Variants in ZNF579 observed in about 807,000 individuals in gnomAD.
ZNF579 encodes the protein zinc finger protein 579.
ZNF579 carries 3 observed loss-of-function variants against 5.7 expected under a neutral mutation model. The ratio of observed to expected loss-of-function variants is 0.53; its 90% CI spans 0.24 to 1.36. ZNF579 has a LOEUF of 1.36. Among genes scored for constraint, ZNF579 ranks in the 40% most tolerant of loss-of-function variants. ZNF579 has a pLI of 0.16. For missense variants in ZNF579, 679 were observed against 877.6 expected, an observed-to-expected ratio of 0.77 and a Z score of 2.86; for synonymous variants, 454 against 409.0, an observed-to-expected ratio of 1.11 and a Z score of -1.33.
chr19:55,579,533 C>A lies in ZNF579; in HGVS notation c.107G>T (p.Gly36Val). 1.4e-6 allele frequency: 2 copies of A among 1,444,216 alleles called. No homozygotes were observed. The highest frequency in any genetic ancestry group is 1.8e-6 in the Non-Finnish European group (2 of 1,104,980). 89.5% of individuals were successfully genotyped at this position (1,444,216 alleles called of 1,614,324 possible). The part of the protein sequence containing the change: ...RGRGRGRGRG[G>V]AGAPRAPLPC... ...CAGGGGCGCCCTAGGGGCTCCAGCGCCCCCCCTGCCACGGCCACGGCCCCG... is the reference window on the plus strand; with the variant it reads ...CAGGGGCGCCCTAGGGGCTCCAGCGACCCCCCTGCCACGGCCACGGCCCCG... The change falls in exon 2 of 2, where the codon GGC (glycine) becomes GTC (valine). Residue 36 changes from glycine to valine, a missense_variant. Transcript: ENST00000325421.
At position 55,579,081 on chromosome 19, in the gene ZNF579, T is replaced by C. The variant is rs1412458364; in HGVS notation, c.559A>G (p.Ser187Gly). The C allele has an allele frequency of 1.3e-6, 2 of 1,528,944 alleles. No individual in the cohort carries two copies. The highest frequency in any genetic ancestry group is 5.0e-5 in the East Asian group (2 of 40,242). 94.7% of individuals were successfully genotyped at this position (1,528,944 alleles called of 1,614,324 possible). A position where few individuals can be genotyped will look rare whatever the true frequency, so the allele number is the denominator to read the frequency against. Residue 187 changes from serine to glycine, a missense_variant, in exon 2 of 2, where the codon AGC (serine) becomes GGC (glycine). Around this residue, in one of 6 missense-constraint regions of ZNF579, gnomAD observed 209 missense variants for 223.4 expected, o/e 0.94. Transcript: ENST00000325421. ...GEPSTLAAPTSAAEPRESESE... is the reference protein window; with the variant it reads ...GEPSTLAAPTGAAEPRESESE... ...TCCGACTCCCGGGGCTCCGCGGCGC[T>C]GGTGGGCGCAGCCAGCGTGGAAGGC...
rs776274536 is a variant in ZNF579 at position 55,578,865 on chromosome 19, CTTCCTG to C, written c.769_774del (p.Gln257_Glu258del). 2.5e-6 allele frequency: 4 copies of C among 1,598,662 alleles called. No individual in the cohort carries two copies. Among genetic ancestry groups the C allele is most frequent in the South Asian group, 2.2e-5 (2 of 89,468 alleles). On this transcript the variant is annotated inframe_deletion, in exon 2 of 2. Transcript: ENST00000325421. ...GGGCGTGGCGGGGGCCCCCCTTCCC[CTTCCTG>C]TTCGCCCTCGGGGCGCAGACACGGG...
At position 55,579,545 on chromosome 19, in the gene ZNF579, C is replaced by G. The variant is rs554623060; in HGVS notation, c.95G>C (p.Arg32Pro). 1 of 1,465,508 alleles carries G rather than the reference C, an allele frequency of 6.8e-7. No homozygotes were observed. The highest frequency in any genetic ancestry group is 9.0e-7 in the Non-Finnish European group (1 of 1,114,746). The allele number at this position is 1,465,508 out of a possible 1,614,324, so 90.8% of individuals were successfully genotyped here. ...RGRGRGRGRG[R>P]GRGGAGAPRA... ...AGGGGCTCCAGCGCCCCCCCTGCCA[C>G]GGCCACGGCCCCGACCACGGCCTCG... Residue 32 changes from arginine (R) to proline (P), a missense_variant, in exon 2 of 2, where the codon CGT becomes CCT. Transcript: ENST00000325421.
Position 55,579,066 on chromosome 19 carries a change from G to C in ZNF579, c.574C>G (p.Arg192Gly), listed in dbSNP as rs755610222. The part of the protein sequence containing the change: ...LAAPTSAAEP[R>G]ESESEEAEAG... ...TCGGCCTCCTCCGACTCCGACTCCC[G>C]GGGCTCCGCGGCGCTGGTGGGCGCA... Residue 192 changes from arginine to glycine, a missense_variant, in exon 2 of 2, where the codon CGG becomes GGG. Around this residue, in one of 6 missense-constraint regions of ZNF579, gnomAD observed 209 missense variants for 223.4 expected, o/e 0.94. Coordinates refer to ENST00000325421, the MANE Select transcript of ZNF579 (RefSeq NM_152600.3). 3.3e-6 allele frequency: 5 copies of C among 1,529,120 alleles called. No individual in the cohort carries two copies. In the South Asian group the frequency reaches 3.6e-5, roughly 11 times the overall value. 94.7% of individuals were successfully genotyped at this position (1,529,120 alleles called of 1,614,324 possible). A position where few individuals can be genotyped will look rare whatever the true frequency, so the allele number is the denominator to read the frequency against.
Position 55,578,548 on chromosome 19 carries a change from TC to T in ZNF579, c.1091del (p.Gly364GlufsTer41). 2.1e-6 allele frequency: 3 copies of T among 1,429,944 alleles called. No homozygotes were observed. Among genetic ancestry groups the T allele is most frequent in the Admixed American group, 2.9e-5 (1 of 34,268 alleles). The allele number at this position is 1,429,944 out of a possible 1,614,324, so 88.6% of individuals were successfully genotyped here. ...CGGCGTCGCCTCCGTTCTGCCCTTCTCCCCCTTCCGAGGCACCCCCGCACTC... is the reference window on the plus strand; with the variant it reads ...CGGCGTCGCCTCCGTTCTGCCCTTCTCCCCTTCCGAGGCACCCCCGCACTC... ...GAECGGASEG[G>X]EGQNGGDAAP... On this transcript the variant is annotated frameshift_variant, in exon 2 of 2. Coordinates refer to ENST00000325421, the MANE Select transcript of ZNF579 (RefSeq NM_152600.3). LOFTEE classifies it low-confidence loss of function (END_TRUNC).
In ZNF579 at chr19:55,579,508, C is replaced by A; in HGVS notation, c.132G>T (p.Leu44=). The change falls in exon 2 of 2, where the codon CTG becomes CTT. Residue 44 remains leucine (L), a synonymous_variant. Transcript: ENST00000325421. ...RGGAGAPRAP[L]PCPTCGRLFR... Reference sequence around the variant, plus strand: ...AGAGGCGGCCGCAGGTGGGGCAGGGCAGGGGCGCCCTAGGGGCTCCAGCGC... The same window carrying A: ...AGAGGCGGCCGCAGGTGGGGCAGGGAAGGGGCGCCCTAGGGGCTCCAGCGC... The A allele has an allele frequency of 1.4e-6, 2 of 1,396,782 alleles. No individual in the cohort carries two copies. Among genetic ancestry groups the A allele is most frequent in the South Asian group, 1.6e-5 (1 of 62,696 alleles). 86.5% of individuals were successfully genotyped at this position (1,396,782 alleles called of 1,614,324 possible). A position where few individuals can be genotyped will look rare whatever the true frequency, so the allele number is the denominator to read the frequency against.
At chr19:55,580,583 G>A (rs974835979) in intron 1 of ZNF579, among the ~76,000 whole-genome samples, 1 of 151,378 alleles carries the variant, frequency 6.6e-6, no homozygotes, top group African/African-American at 2.4e-5. Context: ...AATCCCCAGG[G>A]AGGAGGCGAC....
At chr19:55,580,460 G>C (rs1176243902) in intron 1 of ZNF579, among the ~76,000 whole-genome samples, 1 of 149,464 alleles carries the variant, frequency 6.7e-6, no homozygotes, top group South Asian at 2.2e-4. Context: ...GGGGAATCTG[G>C]ACTCTGGTAT....
rs1979434174 is a variant in ZNF579, at chr19:55,577,913, G to C, written c.*38C>G. 6.4e-7 allele frequency: 1 copy of C among 1,554,270 alleles called. No homozygotes were observed. The highest frequency in any genetic ancestry group is 8.7e-7 in the Non-Finnish European group (1 of 1,150,932). On this transcript the variant is annotated 3_prime_UTR_variant, in exon 2 of 2. Coordinates refer to ENST00000325421, the MANE Select transcript of ZNF579 (RefSeq NM_152600.3). ...TCCCTCCTCCATTCTGCAAACCGGG[G>C]AGCTCAGGCGGAGCGGCGGAGGGCA...
rs1330944292 is a variant in ZNF579 at position 55,576,908 on chromosome 19, C to CA, written c.*1042dup. 1 of 152,154 alleles carries CA rather than the reference C, an allele frequency of 6.6e-6. No homozygotes were observed. Among genetic ancestry groups the CA allele is most frequent in the Non-Finnish European group, 1.5e-5 (1 of 68,030 alleles). 9.4% of individuals were successfully genotyped at this position (152,154 alleles called of 1,614,324 possible). ...GAAGATGTAGAATATCCCATCATCA[C>CA]AAAAAGTTCTCCCAGACTGGGCAAG... On this transcript the variant is annotated 3_prime_UTR_variant, in exon 2 of 2. Coordinates refer to ENST00000325421, the MANE Select transcript of ZNF579 (RefSeq NM_152600.3).
In ZNF579 at chr19:55,578,802, C is replaced by T. The variant is rs781120747; in HGVS notation, c.838G>A (p.Ala280Thr). The change falls in exon 2 of 2, where the codon GCC becomes ACC. Residue 280 changes from alanine (A) to threonine (T), a missense_variant. By Grantham distance (58) the Ala-to-Thr change is moderately conservative. Coordinates refer to ENST00000325421, the MANE Select transcript of ZNF579 (RefSeq NM_152600.3). ...TGGCGCGACAGGGACCAGGGCCTGGCGAAGGCCTTGAGGCAGATGGAGCAC... is the reference window on the plus strand; with the variant it reads ...TGGCGCGACAGGGACCAGGGCCTGGTGAAGGCCTTGAGGCAGATGGAGCAC... Reference protein sequence around the residue: ...HQCSICLKAFARPWSLSRHRL... With the variant: ...HQCSICLKAFTRPWSLSRHRL... 5 of 1,601,676 alleles carry T rather than the reference C, an allele frequency of 3.1e-6. No homozygotes were observed. The highest frequency in any genetic ancestry group is 4.3e-6 in the Non-Finnish European group (5 of 1,174,084).
In ZNF579 at chr19:55,578,835, G is replaced by T. The variant is rs1979504712; in HGVS notation, c.805C>A (p.Arg269=). The T allele has an allele frequency of 6.2e-7, 1 of 1,601,968 alleles. No individual in the cohort carries two copies. Among genetic ancestry groups the T allele is most frequent in the East Asian group, 2.2e-5 (1 of 44,514 alleles). The change falls in exon 2 of 2, where the codon CGA becomes AGA. Residue 269 remains arginine (R), a synonymous_variant. Transcript: ENST00000325421. ...GEGGPPPRPK[R]HQCSICLKAF... is the part of the protein sequence containing the mutation. ...TTGAGGCAGATGGAGCACTGGTGTC[G>T]CTTGGGGCGTGGCGGGGGCCCCCCT...
Position 55,578,214 on chromosome 19 carries a change from G to T in ZNF579, c.1426C>A (p.Leu476Met). 6.8e-7 allele frequency: 1 copy of T among 1,465,978 alleles called. No homozygotes were observed. Among genetic ancestry groups the T allele is most frequent in the South Asian group, 1.4e-5 (1 of 70,690 alleles). 90.8% of individuals were successfully genotyped at this position (1,465,978 alleles called of 1,614,324 possible). The change falls in exon 2 of 2, where the codon CTG becomes ATG. Residue 476 changes from leucine (L) to methionine (M), a missense_variant. Coordinates refer to ENST00000325421, the MANE Select transcript of ZNF579 (RefSeq NM_152600.3). The part of the protein sequence containing the change: ...ELERAAALQA[L>M]QAQAPTSPPP... Reference sequence around the variant, plus strand: ...GGCGACGTCGGGGCCTGGGCCTGCAGTGCCTGCAGCGCGGCGGCCCTCTCC... The same window carrying T: ...GGCGACGTCGGGGCCTGGGCCTGCATTGCCTGCAGCGCGGCGGCCCTCTCC...
At position 55,578,230 on chromosome 19, in the gene ZNF579, G is replaced by A. The variant is rs1269106698; in HGVS notation, c.1410C>T (p.Ala470=). The change falls in exon 2 of 2, where the codon GCC becomes GCT. Residue 470 remains alanine (A), a synonymous_variant. Coordinates refer to ENST00000325421, the MANE Select transcript of ZNF579 (RefSeq NM_152600.3). ...QRCHRAELER[A]AALQALQAQA... ...GGGCCTGCAGTGCCTGCAGCGCGGCGGCCCTCTCCAGCTCTGCGCGGTGGC... is the reference window on the plus strand; with the variant it reads ...GGGCCTGCAGTGCCTGCAGCGCGGCAGCCCTCTCCAGCTCTGCGCGGTGGC... The A allele has an allele frequency of 6.9e-7, 1 of 1,449,306 alleles. No individual in the cohort carries two copies. Among genetic ancestry groups the A allele is most frequent in the Non-Finnish European group, 9.0e-7 (1 of 1,108,494 alleles). The allele number at this position is 1,449,306 out of a possible 1,614,324, so 89.8% of individuals were successfully genotyped here.
At position 55,578,419 on chromosome 19, in the gene ZNF579, C is replaced by G. The variant is rs1470150449; in HGVS notation, c.1221G>C (p.Ser407=). The G allele has an allele frequency of 4.1e-6, 6 of 1,481,298 alleles. No individual in the cohort carries two copies. In the African/African-American group the frequency reaches 5.9e-5, roughly 15 times the overall value. The allele number at this position is 1,481,298 out of a possible 1,614,324, so 91.8% of individuals were successfully genotyped here. The change falls in exon 2 of 2, where the codon TCG becomes TCC. Residue 407 remains serine, a synonymous_variant. Coordinates refer to ENST00000325421, the MANE Select transcript of ZNF579 (RefSeq NM_152600.3). The stretch of plus-strand genomic sequence containing the variant: ...GCACGCACTGGAAGGGGCGCGCTCC[C>G]GAGTGGGTCACCCCGTGCTGCCGCA... ...AHLRQHGVTH[S]GARPFQCVRC...
In ZNF579 at chr19:55,578,608, G is replaced by C. The variant is rs768043374; in HGVS notation, c.1032C>G (p.Asn344Lys). The C allele has an allele frequency of 2.0e-6, 3 of 1,521,510 alleles. No individual in the cohort carries two copies. Among genetic ancestry groups the C allele is most frequent in the Non-Finnish European group, 2.6e-6 (3 of 1,146,862 alleles). The allele number at this position is 1,521,510 out of a possible 1,614,324, so 94.3% of individuals were successfully genotyped here. Residue 344 changes from asparagine (N) to lysine (K), a missense_variant, in exon 2 of 2, where the codon AAC becomes AAG. By Grantham distance (94) the Asn-to-Lys change is moderately conservative. This residue lies in a region of ZNF579 where 114 missense variants were observed against 98.9 expected (regional missense o/e 1.15). Coordinates refer to ENST00000325421, the MANE Select transcript of ZNF579 (RefSeq NM_152600.3). ...CGCCCCCCTCCGGCCCCTTGGCTGA[G>C]TTCCGTGCACCCGAGGCCTTGTCGT... ...KKDDKASGAR[N>K]SAKGPEGGEG...
intron 1 of ZNF579, among the ~76,000 whole-genome samples, chr19:55,580,511 T>G (rs1300996095): frequency 1.4e-4 from 1 of 7,076 alleles, no homozygotes; most frequent in Admixed American, 1.9e-3. Flanking sequence ...GAGGAGGGGC[T>G]GGGGAGGGGG....
chr19:55,579,074 G>C lies in ZNF579; in HGVS notation c.566C>G (p.Ala189Gly). 1 of 1,529,366 alleles carries C rather than the reference G, an allele frequency of 6.5e-7. No individual in the cohort carries two copies. The allele number at this position is 1,529,366 out of a possible 1,614,324, so 94.7% of individuals were successfully genotyped here. A position where few individuals can be genotyped will look rare whatever the true frequency, so the allele number is the denominator to read the frequency against. The change falls in exon 2 of 2, where the codon GCG becomes GGG. Residue 189 changes from alanine (A) to glycine (G), a missense_variant. This residue lies in a region of ZNF579 where 209 missense variants were observed against 223.4 expected (regional missense o/e 0.94). Coordinates refer to ENST00000325421, the MANE Select transcript of ZNF579 (RefSeq NM_152600.3). ...CTCCGACTCCGACTCCCGGGGCTCCGCGGCGCTGGTGGGCGCAGCCAGCGT... is the reference window on the plus strand; with the variant it reads ...CTCCGACTCCGACTCCCGGGGCTCCCCGGCGCTGGTGGGCGCAGCCAGCGT... ...PSTLAAPTSA[A>G]EPRESESEEA...
In ZNF579 at chr19:55,579,244, G is replaced by A. The variant is rs369457371; in HGVS notation, c.396C>T (p.Ile132=). The A allele has an allele frequency of 1.0e-4, 152 of 1,520,658 alleles. No individual in the cohort carries two copies. The highest frequency in any genetic ancestry group is 2.5e-5 in the Non-Finnish European group (28 of 1,139,648). 94.2% of individuals were successfully genotyped at this position (1,520,658 alleles called of 1,614,324 possible). A position where few individuals can be genotyped will look rare whatever the true frequency, so the allele number is the denominator to read the frequency against. ...CGGCCGTCTCCTTGGCCACCCTCTC[G>A]ATGGCCAGCTCGACCTCGCCGCCCG... ...EHAGGEVELA[I]ERVAKETAEP... is the part of the protein sequence containing the mutation. Residue 132 remains isoleucine, a synonymous_variant, in exon 2 of 2, where the codon ATC becomes ATT. Transcript: ENST00000325421.
Sources: gnomAD v4.1 joint callset for allele counts (sites outside exome capture counted in the v4.1 genomes callset) on GRCh38, gnomAD v4.1.1 for gene constraint, gnomAD v4.1.1 regional missense constraint, MANE v1.5 for transcripts, NCBI Gene and HGNC (gene_info 2026-07-23, HGNC 2026-07-21) for gene names.